Variants in MYO9A observed in about 807,000 individuals in gnomAD.
MYO9A encodes the protein unconventional myosin-IXa.
MYO9A carries 103 observed loss-of-function variants against 293.3 expected under a neutral mutation model. That is an observed-to-expected ratio of 0.35 (90% confidence interval 0.30 to 0.41). The LOEUF (loss-of-function observed/expected upper bound fraction) is 0.41. Among genes scored for constraint, MYO9A ranks in the 10% least tolerant of loss-of-function variants. The pLI is 1.00. For synonymous variants in MYO9A, 1,001 were observed against 1,035.7 expected (o/e 0.97, Z 0.64); for missense variants, 2,685 against 3,033.0 (o/e 0.89, Z 2.69).
intron 1 of MYO9A, among the ~76,000 whole-genome samples, chr15:72,053,638 C>A (rs1014581265): frequency 1.3e-5 from 2 of 152,172 alleles, no homozygotes; most frequent in East Asian, 1.9e-4. Flanking sequence ...GCAATAGACA[C>A]AAGAGCCTAC....
intron 21 of MYO9A, among the ~76,000 whole-genome samples, chr15:71,903,418 A>C (rs1276519295): frequency 6.6e-6 from 1 of 152,204 alleles, no homozygotes; most frequent in Non-Finnish European, 1.5e-5. Context: ...ACAGGGTATC[A>C]CTGAGAATGA....
intron 38 of MYO9A, 64 bp downstream of exon 38, chr15:71,849,972 G>C: frequency 8.5e-7 from 1 of 1,182,276 alleles, no homozygotes. Flanking sequence ...TTGATATCTG[G>C]ATACAGTGAC....
At chr15:72,032,434 G>A (rs1323643081) in intron 3 of MYO9A, 60 bp downstream of exon 3, 2 of 1,088,376 alleles carry the variant, frequency 1.8e-6, no homozygotes, top group East Asian at 2.6e-5. Flanking sequence ...TTTATAAAAG[G>A]GTAAAGACAA....
rs1198831462 is a variant in MYO9A, at chr15:71,825,759, C to G, written c.*821G>C. ...TAGGGATCACCATGTCTCTGGGAAA[C>G]TAAAAAATAATGTAGAAGAATCTGA... On this transcript the variant is annotated 3_prime_UTR_variant, in exon 42 of 42. Transcript: ENST00000356056. 6.6e-6 allele frequency: 1 copy of G among 152,054 alleles called. No homozygotes were observed. The highest frequency in any genetic ancestry group is 1.5e-5 in the Non-Finnish European group (1 of 68,002). The allele number at this position is 152,054 out of a possible 1,614,324, so 9.4% of individuals were successfully genotyped here. A position where few individuals can be genotyped will look rare whatever the true frequency, so the allele number is the denominator to read the frequency against.
chr15:72,093,638 A>G (rs111329014), intron 1 of MYO9A, among the ~76,000 whole-genome samples: 71,057 of 135,350 alleles, frequency 0.52, 23,902 homozygotes, highest in Middle Eastern at 0.73. Flanking sequence ...TGTAATCCCA[A>G]CATTTTGGGA....
intron 1 of MYO9A, among the ~76,000 whole-genome samples, chr15:72,105,371 A>G (rs529959780): frequency 1.3e-5 from 2 of 152,204 alleles, no homozygotes; most frequent in East Asian, 3.9e-4. Flanking sequence ...CCACAGGCAC[A>G]CACCACAATG....
At chr15:71,959,541 G>C (rs1226679609) in intron 14 of MYO9A, 1 of 180,310 alleles carries the variant, frequency 5.5e-6, no homozygotes, top group Non-Finnish European at 1.2e-5. Flanking sequence ...AATGAGATGA[G>C]AGATTTTATG....
intron 9 of MYO9A, among the ~76,000 whole-genome samples, chr15:71,998,434 C>T (rs944954742): frequency 6.6e-6 from 1 of 151,392 alleles, no homozygotes; most frequent in African/African-American, 2.4e-5. Flanking sequence ...CACTATACCC[C>T]GGAACTTAAA....
At chr15:72,032,633 A>AAT in intron 2 of MYO9A, 45 bp from the exon 3 acceptor site, 55 of 1,227,392 alleles carry the variant, frequency 4.5e-5, no homozygotes, top group East Asian at 5.4e-5. Context: ...AAAAAAAAAA[A>AAT]TTTTTTTTTG....
chr15:72,106,445 T>C (rs1340065628), intron 1 of MYO9A, among the ~76,000 whole-genome samples: 1 of 152,192 alleles, frequency 6.6e-6, no homozygotes, highest in African/African-American at 2.4e-5. Flanking sequence ...TGATGTATGA[T>C]TGTGCCACTG....
intron 15 of MYO9A, among the ~76,000 whole-genome samples, chr15:71,940,254 G>A (rs2058740375): frequency 6.6e-6 from 1 of 152,154 alleles, no homozygotes; most frequent in African/African-American, 2.4e-5. Flanking sequence ...CAACAGTTTG[G>A]GAGGCCAAGA....
intron 18 of MYO9A, among the ~76,000 whole-genome samples, chr15:71,921,686 G>C (rs1400822528): frequency 6.6e-6 from 1 of 152,126 alleles, no homozygotes; most frequent in Non-Finnish European, 1.5e-5. Context: ...GTAGTAAGAA[G>C]TTTAAAAGAT....
At position 71,856,839 on chromosome 15, in the gene MYO9A, T is replaced by C. The variant is rs916436945; in HGVS notation, c.6154-2270A>G. Among the ~76,000 whole-genome samples the C allele has an allele frequency of 5.3e-5, 8 of 152,340 alleles. No homozygotes were observed. In the South Asian group the frequency reaches 8.3e-4, roughly 16 times the overall value. ...ATTTAGAGGATGCATATTAAAAGTT[T>C]TGCCTTGTCACTATGTGAACTTGGC... On this transcript the variant is annotated intron_variant, in intron 34 of 41. Transcript: ENST00000356056.
chr15:71,916,224 C>CT (rs1462738476), intron 19 of MYO9A, 146 bp downstream of exon 19: 2 of 884,042 alleles, frequency 2.3e-6, no homozygotes, highest in Non-Finnish European at 1.6e-6. Context: ...ATCTTTGGTT[C>CT]TTTTTTCCAA....
intron 28 of MYO9A, among the ~76,000 whole-genome samples, chr15:71,883,100 G>A (rs1280867417): frequency 6.6e-6 from 1 of 152,006 alleles, no homozygotes; most frequent in African/African-American, 2.4e-5. Context: ...CATCGTGCCT[G>A]GCCTAATAAA....
Position 72,110,202 on chromosome 15 carries a change from G to A in MYO9A, c.-72+7478C>T, listed in dbSNP as rs566617095. 4.1e-4 allele frequency among the ~76,000 whole-genome samples: 62 copies of A among 151,912 alleles called. 1 individual carries two copies. Among genetic ancestry groups the A allele is most frequent in the Non-Finnish European group, 8.2e-4 (56 of 67,936 alleles). ...TGTAATCCCAGCACTTTGGGAGGCC[G>A]AGGCAGGTAGATTACCTGAGGTCAG... On this transcript the variant is annotated intron_variant, in intron 1 of 41. Transcript: ENST00000356056.
At chr15:71,987,427 T>C (rs545827708) in intron 11 of MYO9A, among the ~76,000 whole-genome samples, 9 of 152,342 alleles carry the variant, frequency 5.9e-5, no homozygotes, top group Middle Eastern at 3.4e-3. Context: ...AAGTCCACTG[T>C]TTTAAGTACA....
At chr15:71,992,091 A>T (rs950778364) in intron 10 of MYO9A, among the ~76,000 whole-genome samples, 14 of 147,494 alleles carry the variant, frequency 9.5e-5, no homozygotes, top group African/African-American at 2.5e-4. Flanking sequence ...AATATTTATT[A>T]AAAAAAAAAA....
At chr15:71,921,977 C>CT (rs955886166) in intron 18 of MYO9A, among the ~76,000 whole-genome samples, 45 of 149,104 alleles carry the variant, frequency 3.0e-4, no homozygotes, top group Admixed American at 1.1e-3. Flanking sequence ...TCTTTTTCTA[C>CT]TTTTTTTTTT....
Sources: gnomAD v4.1 joint callset for allele counts (sites outside exome capture counted in the v4.1 genomes callset) on GRCh38, gnomAD v4.1.1 for gene constraint, MANE v1.5 for transcripts, NCBI Gene and HGNC (gene_info 2026-07-23, HGNC 2026-07-21) for gene names.